Variants in PRH1 observed in about 807,000 individuals in gnomAD.
The protein encoded by PRH1 is salivary acidic proline-rich phosphoprotein 1/2.
Under a neutral mutation model 7.9 loss-of-function variants are expected in PRH1, and 7 were observed. The ratio of observed to expected loss-of-function variants is 0.89; its 90% CI spans 0.50 to 1.67. The LOEUF (loss-of-function observed/expected upper bound fraction) is 1.67. Ranked by LOEUF, PRH1 falls within the 40% of genes most tolerant of loss-of-function variation. PRH1 has a pLI of 0.00. For synonymous variants in PRH1, 45 were observed against 80.8 expected, an observed-to-expected ratio of 0.56 and a Z score of 2.38; for missense variants, 109 against 223.6, an observed-to-expected ratio of 0.49 and a Z score of 3.27.
rs71051557 is a variant in PRH1 at position 11,042,623 on chromosome 12, C to CTTTTTTTTTTTTTTT, written c.-126+4382_-126+4396dup. Among the ~76,000 whole-genome samples the CTTTTTTTTTTTTTTT allele has an allele frequency of 4.8e-3, 379 of 79,298 alleles. 43 individuals carry two copies. Among genetic ancestry groups the CTTTTTTTTTTTTTTT allele is most frequent in the African/African-American group, 0.013 (238 of 18,904 alleles). The allele number at this position is 79,298 out of a possible 152,430, so 52.0% of individuals were successfully genotyped here. A position where few individuals can be genotyped will look rare whatever the true frequency, so the allele number is the denominator to read the frequency against. On this transcript the variant is annotated intron_variant, in intron 1 of 3. Coordinates refer to the PRH1 transcript ENST00000539853. ...AAGAGGGACTACTTCCAGGCTCATT[C>CTTTTTTTTTTTTTTT]TTTTTTTTTTTTTTTTTTTTTTTTG...
chr12:10,969,762 A>G (rs1938706840), intron 2 of PRH1, among the ~76,000 whole-genome samples: 1 of 152,070 alleles, frequency 6.6e-6, no homozygotes, highest in Non-Finnish European at 1.5e-5. Flanking sequence ...TCAAATGGTT[A>G]TTTGCATTCT....
chr12:10,883,659 A>G (rs1300357829), intron 1 of PRH1, among the ~76,000 whole-genome samples: 1 of 152,198 alleles, frequency 6.6e-6, no homozygotes, highest in African/African-American at 2.4e-5. Context: ...CATTCAGGAG[A>G]CAGAAAAATG....
At chr12:11,073,589 A>T (rs140289927) in intron 1 of PRH1, among the ~76,000 whole-genome samples, 2,150 of 151,922 alleles carry the variant, frequency 0.014, no homozygotes, top group South Asian at 0.029. Flanking sequence ...GTCCTTTTTA[A>T]ATCCCTGTTC....
chr12:10,996,291 T>C (rs1362507322), intron 1 of PRH1, among the ~76,000 whole-genome samples: 1 of 151,720 alleles, frequency 6.6e-6, no homozygotes, highest in Non-Finnish European at 1.5e-5. Context: ...ATTGTGCTAC[T>C]GCATTCCAGC....
chr12:11,113,661 A>G (rs1945653251), intron 1 of PRH1, among the ~76,000 whole-genome samples: 2 of 152,228 alleles, frequency 1.3e-5, no homozygotes, highest in African/African-American at 4.8e-5. Flanking sequence ...ATGAGCAAAG[A>G]CTTCATGACT....
chr12:11,009,851 TA>T (rs890147597), intron 1 of PRH1, among the ~76,000 whole-genome samples: 15 of 152,106 alleles, frequency 9.9e-5, no homozygotes, highest in Middle Eastern at 3.4e-3. Context: ...TACATCATTC[TA>T]TTTTATGAAC....
chr12:11,133,872 C>T (rs1946459654), intron 1 of PRH1: 1 of 1,614,164 alleles, frequency 6.2e-7, no homozygotes. Flanking sequence ...ACACTCTTAA[C>T]TCTCCTCTTT....
In PRH1 at chr12:11,088,916, A is replaced by G. The variant is rs1944794875; in HGVS notation, n.124-41728T>C. Among the ~76,000 whole-genome samples the G allele has an allele frequency of 1.7e-5, 2 of 115,858 alleles. 1 individual carries two copies. The highest frequency in any genetic ancestry group is 5.8e-5 in the African/African-American group (2 of 34,582). 76.0% of individuals were successfully genotyped at this position (115,858 alleles called of 152,430 possible). ...ATTAGTGCAAGAACATTCCCTCTTC[A>G]GCAGAGGAGTATCCTCTGTGTGAAA... is the stretch of plus-strand genomic sequence containing the variant. On this transcript the variant is annotated intron_variant and non_coding_transcript_variant, in intron 1 of 4. Coordinates refer to the PRH1 transcript ENST00000541977.
At chr12:11,144,461 G>A (rs1325637311) in intron 1 of PRH1, among the ~76,000 whole-genome samples, 2 of 152,094 alleles carry the variant, frequency 1.3e-5, no homozygotes, top group Admixed American at 6.5e-5. Context: ...CGACAGCACC[G>A]ATTCTATTTC....
intron 1 of PRH1, among the ~76,000 whole-genome samples, chr12:11,163,688 T>C (rs1260440054): frequency 6.6e-6 from 1 of 152,210 alleles, no homozygotes; most frequent in African/African-American, 2.4e-5. Context: ...TCTATTCTGG[T>C]AGTTTAAGCA....
At chr12:11,113,069 T>C (rs1362648006) in intron 1 of PRH1, among the ~76,000 whole-genome samples, 2 of 151,756 alleles carry the variant, frequency 1.3e-5, no homozygotes, top group African/African-American at 4.8e-5. Context: ...GAGAATAAAA[T>C]ACCTAGGAAT....
chr12:10,895,671 C>T (rs1464746901), intron 2 of PRH1: 1 of 152,058 alleles, frequency 6.6e-6, no homozygotes, highest in Non-Finnish European at 1.5e-5. Flanking sequence ...TTCTCATAGC[C>T]TATATTGAAA....
intron 1 of PRH1, among the ~76,000 whole-genome samples, chr12:10,985,263 TAA>T (rs1939555237): frequency 1.3e-5 from 2 of 152,136 alleles, no homozygotes; most frequent in African/African-American, 4.8e-5. Flanking sequence ...ATATTTGTAT[TAA>T]GTCTATTATT....
At chr12:10,990,000 G>A (rs1252033409) in intron 1 of PRH1, among the ~76,000 whole-genome samples, 1 of 152,158 alleles carries the variant, frequency 6.6e-6, no homozygotes, top group East Asian at 1.9e-4. Context: ...ATATACGGAT[G>A]TCTCAGAATA....
chr12:11,003,343 C>G (rs1245084454), intron 1 of PRH1, among the ~76,000 whole-genome samples: 1 of 150,394 alleles, frequency 6.6e-6, no homozygotes, highest in Non-Finnish European at 1.5e-5. Context: ...AGCAATAAAA[C>G]CTAAATGCAC....
At chr12:10,986,104 T>G (rs559654107) in intron 1 of PRH1, 1 of 1,613,998 alleles carries the variant, frequency 6.2e-7, no homozygotes, top group East Asian at 2.2e-5. Context: ...CGCAGCCTCC[T>G]AGGACTCCAA....
intron 2 of PRH1, among the ~76,000 whole-genome samples, chr12:10,901,312 C>T (rs1949720433): frequency 6.6e-6 from 1 of 152,188 alleles, no homozygotes; most frequent in South Asian, 2.1e-4. Flanking sequence ...TCAGAGCCCC[C>T]ACTCTCCTGG....
At chr12:11,149,019 G>C (rs1247561611) in intron 1 of PRH1, among the ~76,000 whole-genome samples, 2 of 150,936 alleles carry the variant, frequency 1.3e-5, no homozygotes, top group Non-Finnish European at 3.0e-5. Context: ...TCTTGGGAGA[G>C]TGTATGTGTC....
intron 1 of PRH1, among the ~76,000 whole-genome samples, chr12:11,058,976 A>G (rs911455259): frequency 2.0e-5 from 3 of 152,186 alleles, no homozygotes; most frequent in African/African-American, 7.2e-5. Context: ...GATCCAGATC[A>G]TCCTTCCATT....
Sources: gnomAD v4.1 joint callset for allele counts (sites outside exome capture counted in the v4.1 genomes callset) on GRCh38, gnomAD v4.1.1 for gene constraint, MANE v1.5 for transcripts, NCBI Gene and HGNC (gene_info 2026-07-23, HGNC 2026-07-21) for gene names.